The following IGF2BP3 variants were observed in gnomAD, a reference collection of about 807,000 sequenced individuals.
IGF2BP3 encodes insulin-like growth factor 2 mRNA-binding protein 3.
IGF2BP3 carries 9 observed loss-of-function variants against 73.8 expected under a neutral mutation model. The observed-to-expected ratio is 0.12, with a 90% CI of 0.07 to 0.21. The LOEUF (loss-of-function observed/expected upper bound fraction) is 0.21. IGF2BP3 is among the 10% of genes least tolerant of loss of function. IGF2BP3 has a pLI of 1.00. For synonymous variants in IGF2BP3, 258 were observed against 256.7 expected, an observed-to-expected ratio of 1.01 and a Z score of -0.05; for missense variants, 542 against 714.0, an observed-to-expected ratio of 0.76 and a Z score of 2.75.
At chr7:23,386,462 T>A (rs1786085122) in intron 3 of IGF2BP3, among the ~76,000 whole-genome samples, 1 of 151,934 alleles carries the variant, frequency 6.6e-6, no homozygotes, top group Admixed American at 6.6e-5. Context: ...AAACACACAA[T>A]GATGGAGTGA....
intron 10 of IGF2BP3, among the ~76,000 whole-genome samples, chr7:23,340,651 G>T (rs927191015): frequency 6.6e-6 from 1 of 151,928 alleles, no homozygotes; most frequent in African/African-American, 2.4e-5. Flanking sequence ...CATGAAGGAA[G>T]ATCCTAGAAT....
chr7:23,372,788 T>C (rs1443053925), intron 3 of IGF2BP3, among the ~76,000 whole-genome samples: 1 of 152,192 alleles, frequency 6.6e-6, no homozygotes, highest in Non-Finnish European at 1.5e-5. Flanking sequence ...CTGCTAACAT[T>C]TGAGTGCTTT....
At chr7:23,417,112 A>C (rs187076357) in intron 3 of IGF2BP3, among the ~76,000 whole-genome samples, 105 of 152,310 alleles carry the variant, frequency 6.9e-4, no homozygotes, top group African/African-American at 2.5e-3. Context: ...CTCAAAAAGG[A>C]AATAGTGTTC....
intron 10 of IGF2BP3, among the ~76,000 whole-genome samples, chr7:23,320,947 C>CAAAAAAAAAAAAAAAAA (rs70966008): frequency 1.0e-5 from 1 of 96,532 alleles, no homozygotes; most frequent in Non-Finnish European, 2.0e-5. Flanking sequence ...AACTCTGTCT[C>CAAAAAAAAAAAAAAAAA]AAAAAAAAAA....
intron 3 of IGF2BP3, among the ~76,000 whole-genome samples, chr7:23,412,107 T>C (rs955980956): frequency 7.3e-5 from 11 of 150,920 alleles, no homozygotes; most frequent in East Asian, 3.9e-4. Flanking sequence ...CTCAGCCTCC[T>C]GAGTAGCTAA....
At position 23,417,895 on chromosome 7, in the gene IGF2BP3, C is replaced by A. The variant is rs996878283; in HGVS notation, c.285+881G>T. Among the ~76,000 whole-genome samples the A allele has an allele frequency of 3.3e-5, 5 of 152,148 alleles. 1 individual carries two copies. The highest frequency in any genetic ancestry group is 1.3e-4 in the Admixed American group (2 of 15,274). The stretch of plus-strand genomic sequence containing the variant: ...TATACCAAAAACCAACCCCTTCCTG[C>A]AAAGCTTAATCTCAATAATACTGTT... On this transcript the variant is annotated intron_variant, in intron 3 of 14. Transcript: ENST00000258729.
chr7:23,366,025 A>C (rs1785361464), intron 3 of IGF2BP3: 1 of 152,208 alleles, frequency 6.6e-6, no homozygotes, highest in African/African-American at 2.4e-5. Flanking sequence ...CACACACACA[A>C]GTAGAAATAT....
At chr7:23,451,850 A>T (rs1788205991) in intron 2 of IGF2BP3, among the ~76,000 whole-genome samples, 1 of 151,290 alleles carries the variant, frequency 6.6e-6, no homozygotes, top group African/African-American at 2.4e-5. Context: ...CAGGAGGCTG[A>T]GGCAGGAGAA....
At chr7:23,431,860 G>A (rs1787689353) in intron 2 of IGF2BP3, among the ~76,000 whole-genome samples, 3 of 152,086 alleles carry the variant, frequency 2.0e-5, no homozygotes, top group Non-Finnish European at 4.4e-5. Flanking sequence ...CTCTCTTATG[G>A]ATTGGTGGCC....
intron 2 of IGF2BP3, among the ~76,000 whole-genome samples, chr7:23,421,776 G>GT (rs1212738465): frequency 1.3e-5 from 2 of 151,884 alleles, no homozygotes; most frequent in African/African-American, 4.8e-5. Context: ...TACTAATCTG[G>GT]TTTTTTGTTT....
chr7:23,414,236 C>G (rs1787119354), intron 3 of IGF2BP3: 1 of 152,158 alleles, frequency 6.6e-6, no homozygotes, highest in African/African-American at 2.4e-5. Flanking sequence ...AGTGCTTTAT[C>G]ATCATCTAAA....
At chr7:23,463,703 A>AT (rs1788500584) in intron 2 of IGF2BP3, among the ~76,000 whole-genome samples, 1 of 152,234 alleles carries the variant, frequency 6.6e-6, no homozygotes, top group African/African-American at 2.4e-5. Context: ...TTTCCGTAAC[A>AT]TCTTCCTCAG....
chr7:23,336,177 T>C (rs1233168069), intron 10 of IGF2BP3, among the ~76,000 whole-genome samples: 1 of 148,942 alleles, frequency 6.7e-6, no homozygotes, highest in African/African-American at 2.6e-5. Context: ...AAAAAGGAAG[T>C]AGTATATATT....
intron 10 of IGF2BP3, among the ~76,000 whole-genome samples, chr7:23,335,816 T>A (rs1190278681): frequency 1.3e-5 from 2 of 152,236 alleles, no homozygotes; most frequent in Non-Finnish European, 2.9e-5. Flanking sequence ...CAGCTCTTGC[T>A]CTGCTTCACT....
At chr7:23,340,046 T>C (rs1358095426) in intron 10 of IGF2BP3, among the ~76,000 whole-genome samples, 3 of 152,184 alleles carry the variant, frequency 2.0e-5, no homozygotes, top group African/African-American at 7.2e-5. Flanking sequence ...TTTTTTATTA[T>C]ACAGGTGAGA....
chr7:23,343,011 G>GA (rs1486709789), intron 9 of IGF2BP3, among the ~76,000 whole-genome samples: 2 of 151,820 alleles, frequency 1.3e-5, no homozygotes, highest in African/African-American at 2.4e-5. Context: ...TGGCCCAATT[G>GA]AAAAAAAATT....
At chr7:23,340,450 C>T (rs376590091) in intron 10 of IGF2BP3, among the ~76,000 whole-genome samples, 3 of 152,260 alleles carry the variant, frequency 2.0e-5, no homozygotes, top group East Asian at 3.9e-4. Context: ...GGGGGACAAT[C>T]TGAGCCATCT....
At chr7:23,383,096 A>C (rs1263350488) in intron 3 of IGF2BP3, among the ~76,000 whole-genome samples, 1 of 152,040 alleles carries the variant, frequency 6.6e-6, no homozygotes, top group African/African-American at 2.4e-5. Context: ...ACCTAAGCAA[A>C]GCCATGTGTG....
At chr7:23,441,613 T>C (rs1252552352) in intron 2 of IGF2BP3, among the ~76,000 whole-genome samples, 1 of 131,226 alleles carries the variant, frequency 7.6e-6, no homozygotes, top group Non-Finnish European at 1.6e-5. Context: ...AAGACACATA[T>C]GTTAAAATTC....
Sources: gnomAD v4.1 joint callset for allele counts (sites outside exome capture counted in the v4.1 genomes callset) on GRCh38, gnomAD v4.1.1 for gene constraint, MANE v1.5 for transcripts, NCBI Gene and HGNC (gene_info 2026-07-23, HGNC 2026-07-21) for gene names.